The following ABCB11 variants were observed in gnomAD, a reference collection of about 807,000 sequenced individuals.
ABCB11 encodes ATP binding cassette subfamily B member 11, also known as bile salt export pump.
A neutral mutation model predicts 148.0 loss-of-function variants in ABCB11; 95 were observed. The observed-to-expected ratio is 0.64, with a 90% CI of 0.54 to 0.76. The LOEUF is 0.76. Among genes scored for constraint, ABCB11 ranks in the 30% least tolerant of loss-of-function variants. The probability of loss-of-function intolerance (pLI) is 0.00; values close to 1 mark genes in which losing one functional copy is unlikely to be tolerated. For synonymous variants in ABCB11, 591 were observed against 555.4 expected (o/e 1.06, Z -0.90); for missense variants, 1,523 against 1,617.8 (o/e 0.94, Z 1.01).
intron 1 of ABCB11, among the ~76,000 whole-genome samples, chr2:169,022,419 CTAAG>C (rs950846423): frequency 6.6e-6 from 1 of 151,694 alleles, no homozygotes; most frequent in African/African-American, 2.4e-5. Context: ...TAAGCAAATA[CTAAG>C]TAATTTCATG....
intron 5 of ABCB11, among the ~76,000 whole-genome samples, chr2:169,012,195 T>C (rs1405768124): frequency 1.3e-5 from 2 of 152,130 alleles, no homozygotes; most frequent in South Asian, 4.1e-4. Flanking sequence ...AGGGAGCCAT[T>C]CCTAGTGTCT....
At chr2:169,027,342 A>G (rs560744877) in intron 1 of ABCB11, among the ~76,000 whole-genome samples, 1 of 152,094 alleles carries the variant, frequency 6.6e-6, no homozygotes, top group Admixed American at 6.5e-5. Flanking sequence ...GTCCACACCA[A>G]CTCCAGTGTT....
In ABCB11 at chr2:168,922,038, A is replaced by G. The variant is rs1691094250; in HGVS notation, c.*1584T>C. 6.6e-6 allele frequency among the ~76,000 whole-genome samples: 1 copy of G among 151,520 alleles called. No homozygotes were observed. Among genetic ancestry groups the G allele is most frequent in the African/African-American group, 2.4e-5 (1 of 41,228 alleles). ...TAATTTTTTTGTATTTTTAGTAGAG[A>G]CGGGGTTTCACCATGTTAGCCAGGA... On this transcript the variant is annotated 3_prime_UTR_variant, in exon 28 of 28. Transcript: ENST00000650372.
Position 168,979,672 on chromosome 2 carries a change from C to CAA in ABCB11, c.1197+192_1197+193dup, listed in dbSNP as rs55859131. 7.0e-3 allele frequency among the ~76,000 whole-genome samples: 702 copies of CAA among 100,006 alleles called. 121 individuals are homozygous for CAA. In the East Asian group the frequency reaches 0.16, roughly 23 times the overall value. 65.6% of individuals were successfully genotyped at this position (100,006 alleles called of 152,430 possible). ...GGGCAACAAGAGCGAAACTCCATCT[C>CAA]AAAAAAAAAAAAAAAAAAAAAAAAA... On this transcript the variant is annotated intron_variant, in intron 11 of 27. Coordinates refer to ENST00000650372, the MANE Select transcript of ABCB11 (RefSeq NM_003742.4).
rs560438558 is a variant in ABCB11 at position 169,023,972 on chromosome 2, T to C, written c.-27-5820A>G. Among the ~76,000 whole-genome samples the C allele has an allele frequency of 1.6e-4, 24 of 152,184 alleles. No individual in the cohort carries two copies. The South Asian group carries it at 5.0e-3, about 32-fold the overall frequency. ...TTAAGTTTTTCTCTTTTTTTTCCTG[T>C]GGCTTTAAAATATTTCATGATATGG... On this transcript the variant is annotated intron_variant, in intron 1 of 27. Transcript: ENST00000650372.
intron 2 of ABCB11, among the ~76,000 whole-genome samples, 180 bp from the exon 3 acceptor site, chr2:169,016,979 TACACACACACACAC>T (rs71397686): frequency 1.8e-4 from 25 of 138,098 alleles, no homozygotes; most frequent in South Asian, 1.7e-3. Flanking sequence ...TCTATCTTTC[TACACACACACACAC>T]ACACACACAC....
At chr2:168,969,098 C>T (rs1237762543) in intron 16 of ABCB11, among the ~76,000 whole-genome samples, 1 of 141,018 alleles carries the variant, frequency 7.1e-6, no homozygotes, top group African/African-American at 2.7e-5. Context: ...TAGGAAGCCT[C>T]TTCTATTTGC....
At chr2:168,998,862 AT>A (rs1217437547) in intron 5 of ABCB11, among the ~76,000 whole-genome samples, 1 of 152,042 alleles carries the variant, frequency 6.6e-6, no homozygotes, top group African/African-American at 2.4e-5. Context: ...TTTTTATTTT[AT>A]TCTGGGAAGA....
Position 168,935,240 on chromosome 2 carries a change from G to T in ABCB11, c.3000C>A (p.Tyr1000Ter). The part of the protein sequence containing the change: ...CIMFIANSAS[Y>*]RYGGYLISNE... ...TGGAGATTAAGTAACCTCCATATCT[G>T]TAGGAAGCAGAATTCGCAATAAACA... The change falls in exon 23 of 28, where the codon TAC becomes TAA. Residue 1000 changes from tyrosine to a stop codon, truncating the protein, a stop_gained. Transcript: ENST00000650372. LOFTEE classifies it high-confidence loss of function. 1 of 1,614,008 alleles carries T rather than the reference G, an allele frequency of 6.2e-7. No individual in the cohort carries two copies. The highest frequency in any genetic ancestry group is 8.5e-7 in the Non-Finnish European group (1 of 1,179,892).
At chr2:168,961,197 A>C (rs889404812) in intron 18 of ABCB11, among the ~76,000 whole-genome samples, 1 of 151,778 alleles carries the variant, frequency 6.6e-6, no homozygotes, top group Non-Finnish European at 1.5e-5. Flanking sequence ...TCATAGTTCA[A>C]TGCTAGACAC....
intron 14 of ABCB11, among the ~76,000 whole-genome samples, 155 bp downstream of exon 14, chr2:168,971,692 G>C (rs1208264813): frequency 6.6e-6 from 1 of 151,936 alleles, no homozygotes; most frequent in African/African-American, 2.4e-5. Flanking sequence ...CAGATGAAAG[G>C]AAACACTCAT....
At chr2:168,990,428 G>C (rs550606128) in intron 9 of ABCB11, among the ~76,000 whole-genome samples, 2 of 152,070 alleles carry the variant, frequency 1.3e-5, no homozygotes, top group South Asian at 4.1e-4. Context: ...ATGATCTTCT[G>C]TATTTCTGTG....
chr2:168,990,761 T>C (rs368906419), intron 9 of ABCB11, 40 bp downstream of exon 9: 1 of 1,609,970 alleles, frequency 6.2e-7, no homozygotes, highest in Admixed American at 1.7e-5. Flanking sequence ...CTATGCTGAT[T>C]GATGAAATTA....
chr2:168,932,857 C>T (rs1691641182), intron 23 of ABCB11, among the ~76,000 whole-genome samples: 1 of 152,094 alleles, frequency 6.6e-6, no homozygotes. Flanking sequence ...CTCCTGTAAT[C>T]CCAGCACCTT....
At chr2:169,005,782 T>A (rs374515900) in intron 5 of ABCB11, among the ~76,000 whole-genome samples, 1 of 152,160 alleles carries the variant, frequency 6.6e-6, no homozygotes, top group Admixed American at 6.5e-5. Flanking sequence ...CCACAATGTA[T>A]ACATATTTCA....
chr2:168,955,301 C>T (rs922468797), intron 19 of ABCB11, among the ~76,000 whole-genome samples: 1 of 151,532 alleles, frequency 6.6e-6, no homozygotes, highest in East Asian at 1.9e-4. Context: ...ACTGCTATTC[C>T]TGACACTGGG....
At chr2:168,927,051 G>A (rs1389866806) in intron 26 of ABCB11, 105 bp downstream of exon 26, 4 of 1,154,468 alleles carry the variant, frequency 3.5e-6, no homozygotes, top group Admixed American at 2.2e-5. Context: ...GGAACATTTT[G>A]GATTTGGGAT....
intron 19 of ABCB11, among the ~76,000 whole-genome samples, chr2:168,956,112 A>C (rs114952358): frequency 7.2e-4 from 110 of 151,834 alleles, no homozygotes; most frequent in Middle Eastern, 3.4e-3. Context: ...AAGGGGAAGC[A>C]AGGCATGTCT....
intron 14 of ABCB11, among the ~76,000 whole-genome samples, chr2:168,971,631 A>G (rs1042807166): frequency 2.0e-5 from 3 of 152,026 alleles, no homozygotes; most frequent in African/African-American, 7.2e-5. Flanking sequence ...TGAGCTTTTC[A>G]AAAGAAAACC....
Sources: allele counts gnomAD v4.1 joint callset (sites outside exome capture counted in the v4.1 genomes callset), GRCh38; gene constraint gnomAD v4.1.1; transcripts MANE v1.5; gene names NCBI Gene and HGNC (gene_info 2026-07-23, HGNC 2026-07-21).